TIMP2: variants seen among roughly 807,000 people sequenced by gnomAD.
TIMP2 encodes TIMP metallopeptidase inhibitor 2, also known as metalloproteinase inhibitor 2.
A neutral mutation model predicts 24.3 loss-of-function variants in TIMP2; 5 were observed. The ratio of observed to expected loss-of-function variants is 0.21; its 90% CI spans 0.11 to 0.43. The LOEUF is 0.43. TIMP2 is among the 20% of genes least tolerant of loss of function. The pLI is 1.00. For synonymous variants in TIMP2, 130 were observed against 123.2 expected, an observed-to-expected ratio of 1.06 and a Z score of -0.37; for missense variants, 221 against 297.5, an observed-to-expected ratio of 0.74 and a Z score of 1.89.
intron 1 of TIMP2, chr17:78,903,353 G>T (rs1024444029): frequency 3.9e-5 from 6 of 152,458 alleles, no homozygotes; most frequent in African/African-American, 1.4e-4. Context: ...GGAGCCATGG[G>T]GGCACCTGAA....
chr17:78,918,528 T>G lies in TIMP2; in HGVS notation c.130+6431A>C, dbSNP rs112706146. ...ATCCATGCTCCTGACCATCTCTCCA[T>G]TGGGAAGTCTGGGTCTGCCCGCCTT... On this transcript the variant is annotated intron_variant, in intron 1 of 4. Coordinates refer to ENST00000262768, the MANE Select transcript of TIMP2 (RefSeq NM_003255.5). 1.0e-3 allele frequency among the ~76,000 whole-genome samples: 154 copies of G among 152,258 alleles called. 3 individuals carry two copies. The highest frequency in any genetic ancestry group is 3.6e-3 in the African/African-American group (148 of 41,544).
chr17:78,887,386 AATTT>A (rs892840364), intron 1 of TIMP2, among the ~76,000 whole-genome samples: 44 of 151,878 alleles, frequency 2.9e-4, no homozygotes, highest in Non-Finnish European at 3.4e-4. Context: ...CATATCTGTA[AATTT>A]ATTTATTTAT....
At position 78,924,524 on chromosome 17, in the gene TIMP2, C is replaced by A. The variant is rs550993282; in HGVS notation, c.130+435G>T. On this transcript the variant is annotated intron_variant, in intron 1 of 4. Transcript: ENST00000262768. The surrounding 1 kb of genome is among the most constrained non-coding windows in gnomAD (Gnocchi z 5.3). Reference sequence around the variant, plus strand: ...CCCAGCAGAGAAGCCCTTCCCCACCCAGCCCCAAGCCCAGAGAAGCCCAAC... The same window carrying A: ...CCCAGCAGAGAAGCCCTTCCCCACCAAGCCCCAAGCCCAGAGAAGCCCAAC... Among the ~76,000 whole-genome samples, 1 of 152,188 alleles carries A rather than the reference C, an allele frequency of 6.6e-6. No homozygotes were observed. Among genetic ancestry groups the A allele is most frequent in the African/African-American group, 2.4e-5 (1 of 41,474 alleles).
intron 1 of TIMP2, chr17:78,902,023 C>T (rs2070101134): frequency 3.6e-6 from 2 of 558,198 alleles, no homozygotes; most frequent in Non-Finnish European, 6.4e-6. Flanking sequence ...CCCTCCATGA[C>T]ACGCTGTGTG....
intron 1 of TIMP2, among the ~76,000 whole-genome samples, chr17:78,911,614 AGAG>A (rs1465806938): frequency 1.3e-5 from 2 of 151,836 alleles, no homozygotes; most frequent in Non-Finnish European, 2.9e-5. Context: ...TATTTTTAGT[AGAG>A]ATGGGGTTTC....
intron 1 of TIMP2, chr17:78,922,165 T>C (rs2070312481): frequency 6.6e-6 from 1 of 152,284 alleles, no homozygotes; most frequent in Admixed American, 6.5e-5. Context: ...CAGGCAATTC[T>C]GCTCTGAGCC....
chr17:78,862,932 T>C (rs1277475662), intron 3 of TIMP2, among the ~76,000 whole-genome samples: 3 of 152,284 alleles, frequency 2.0e-5, no homozygotes, highest in Non-Finnish European at 4.4e-5. Flanking sequence ...GTAGTATATA[T>C]ACACCACATT....
chr17:78,889,795 T>C (rs1463052906), intron 1 of TIMP2, among the ~76,000 whole-genome samples: 1 of 152,180 alleles, frequency 6.6e-6, no homozygotes, highest in African/African-American at 2.4e-5. Context: ...TTTTTGTATA[T>C]AGGTGGTTTC....
At chr17:78,919,708 A>T (rs8075997) in intron 1 of TIMP2, among the ~76,000 whole-genome samples, 2 of 152,048 alleles carry the variant, frequency 1.3e-5, no homozygotes, top group Non-Finnish European at 2.9e-5. Flanking sequence ...GGTGGCGGGC[A>T]CCTGTAGTCC....
chr17:78,892,427 G>A (rs1568000581), intron 1 of TIMP2: 2 of 1,550,126 alleles, frequency 1.3e-6, no homozygotes, highest in African/African-American at 1.4e-5. Flanking sequence ...CGGGCCTGAG[G>A]AGCCACAGAA....
Position 78,896,560 on chromosome 17 carries a change from C to T in TIMP2, c.131-22641G>A, listed in dbSNP as rs569783258. On this transcript the variant is annotated intron_variant, in intron 1 of 4. Coordinates refer to ENST00000262768, the MANE Select transcript of TIMP2 (RefSeq NM_003255.5). This position sits in a 1 kb window ranked among gnomAD's most constrained non-coding sequence, Gnocchi z 4.4. ...CCTGGCGCTCCTCTGTCCTCCACATCCTCTGAGTGTTCTGAGCATCCTGGG... is the reference window on the plus strand; with the variant it reads ...CCTGGCGCTCCTCTGTCCTCCACATTCTCTGAGTGTTCTGAGCATCCTGGG... 2.0e-5 allele frequency among the ~76,000 whole-genome samples: 3 copies of T among 152,168 alleles called. No homozygotes were observed. The highest frequency in any genetic ancestry group is 4.4e-5 in the Non-Finnish European group (3 of 68,024).
At chr17:78,872,837 TTC>T (rs2069697166) in intron 2 of TIMP2, among the ~76,000 whole-genome samples, 1 of 152,152 alleles carries the variant, frequency 6.6e-6, no homozygotes, top group Admixed American at 6.6e-5. Context: ...TTTTTTTTTT[TTC>T]TTTTTTTGAG....
chr17:78,888,961 G>C (rs767770730), intron 1 of TIMP2, among the ~76,000 whole-genome samples: 3 of 152,230 alleles, frequency 2.0e-5, no homozygotes, highest in Non-Finnish European at 2.9e-5. Flanking sequence ...TGTTGGAAGG[G>C]AGGGAGAGAG....
intron 1 of TIMP2, among the ~76,000 whole-genome samples, chr17:78,913,237 C>CA (rs145516797): frequency 0.015 from 2,248 of 152,240 alleles, 57 homozygotes; most frequent in African/African-American, 0.051. Context: ...AGGGCTCTAA[C>CA]AACAGCGTTT....
At chr17:78,867,780 C>T (rs9909541) in intron 3 of TIMP2, among the ~76,000 whole-genome samples, 43,180 of 150,844 alleles carry the variant, frequency 0.29, 7,333 homozygotes, top group African/African-American at 0.47. Context: ...TTTGTATTTT[C>T]AGTGGAAACG....
intron 1 of TIMP2, among the ~76,000 whole-genome samples, chr17:78,893,109 G>A (rs2069928430): frequency 1.3e-5 from 2 of 151,684 alleles, no homozygotes; most frequent in South Asian, 4.2e-4. Context: ...GTGGGTGTGT[G>A]CACATGCACA....
chr17:78,873,286 T>G (rs2069700363), intron 2 of TIMP2, among the ~76,000 whole-genome samples: 1 of 140,144 alleles, frequency 7.1e-6, no homozygotes, highest in Non-Finnish European at 1.5e-5. Context: ...CTGCCCTCCC[T>G]GCCCTCCCTG....
chr17:78,877,479 G>T, intron 1 of TIMP2, among the ~76,000 whole-genome samples: 1 of 151,992 alleles, frequency 6.6e-6, no homozygotes. Flanking sequence ...AACCCAGGAG[G>T]TGAAAGTTGC....
At chr17:78,905,225 A>G (rs2145788836) in intron 1 of TIMP2, among the ~76,000 whole-genome samples, 1 of 151,760 alleles carries the variant, frequency 6.6e-6, no homozygotes. Context: ...TTTGGGCTCC[A>G]GGACTTACCC....
Sources: allele counts gnomAD v4.1 joint callset (sites outside exome capture counted in the v4.1 genomes callset), GRCh38; gene constraint gnomAD v4.1.1; non-coding constraint Gnocchi (gnomAD v3.1); transcripts MANE v1.5; gene names NCBI Gene and HGNC (gene_info 2026-07-23, HGNC 2026-07-21).